The following SPOCK3 variants were observed in gnomAD, a reference collection of about 807,000 sequenced individuals.
SPOCK3 encodes the protein testican-3.
SPOCK3 carries 30 observed loss-of-function variants against 56.6 expected under a neutral mutation model. The observed-to-expected ratio is 0.53, with a 90% CI of 0.40 to 0.72. The LOEUF (loss-of-function observed/expected upper bound fraction) is 0.72. SPOCK3 is among the 30% of genes least tolerant of loss of function. The pLI, the probability that SPOCK3 is intolerant of heterozygous loss-of-function variation, is 0.00. For synonymous variants in SPOCK3, 196 were observed against 183.3 expected, an observed-to-expected ratio of 1.07 and a Z score of -0.56; for missense variants, 527 against 530.0, an observed-to-expected ratio of 0.99 and a Z score of 0.06.
intron 3 of SPOCK3, among the ~76,000 whole-genome samples, chr4:167,011,838 G>T (rs1561118256): frequency 6.6e-6 from 1 of 152,018 alleles, no homozygotes; most frequent in Non-Finnish European, 1.5e-5. Flanking sequence ...CCATCAAGAA[G>T]TTCAGAACCA....
At chr4:166,969,276 T>C (rs1319643460) in intron 4 of SPOCK3, among the ~76,000 whole-genome samples, 3 of 152,186 alleles carry the variant, frequency 2.0e-5, no homozygotes, top group Non-Finnish European at 4.4e-5. Context: ...TAGGAAGGCA[T>C]GCTTGTGCTT....
Position 166,734,703 on chromosome 4 carries a change from G to C in SPOCK3, c.*218C>G. On this transcript the variant is annotated 3_prime_UTR_variant, in exon 11 of 11. Transcript: ENST00000357545. ...TATTTTGTCTGACTAGACTGCATAT[G>C]TATTTTCTTTTTGTGTAAGGAATAT... The C allele has an allele frequency of 2.3e-6, 1 of 440,070 alleles. No individual in the cohort carries two copies. Among genetic ancestry groups the C allele is most frequent in the Non-Finnish European group, 4.0e-6 (1 of 251,850 alleles). The allele number at this position is 440,070 out of a possible 1,614,324, so 27.3% of individuals were successfully genotyped here. A position where few individuals can be genotyped will look rare whatever the true frequency, so the allele number is the denominator to read the frequency against.
intron 2 of SPOCK3, among the ~76,000 whole-genome samples, chr4:167,149,479 A>C (rs1764228475): frequency 6.6e-6 from 1 of 152,082 alleles, no homozygotes; most frequent in African/African-American, 2.4e-5. Flanking sequence ...GGATACTATA[A>C]ACTGATATAC....
intron 4 of SPOCK3, among the ~76,000 whole-genome samples, chr4:166,971,467 A>G (rs1396573995): frequency 6.6e-6 from 1 of 150,996 alleles, no homozygotes; most frequent in African/African-American, 2.4e-5. Flanking sequence ...TAACATGTCT[A>G]TTTCTCCCAA....
At position 166,880,855 on chromosome 4, in the gene SPOCK3, T is replaced by C. The variant is rs76758424; in HGVS notation, c.589+8275A>G. Among the ~76,000 whole-genome samples, 295 of 152,290 alleles carry C rather than the reference T, an allele frequency of 1.9e-3. 14 individuals carry two copies. In the East Asian group the frequency reaches 0.052, roughly 27 times the overall value. ...CTCATGCTCCTCCATTCTTGAACCA[T>C]CCGGTTTAACCTTTATATATCCCTC... On this transcript the variant is annotated intron_variant, in intron 6 of 10. Transcript: ENST00000357545.
At chr4:166,969,345 G>A (rs921700535) in intron 4 of SPOCK3, among the ~76,000 whole-genome samples, 1 of 152,072 alleles carries the variant, frequency 6.6e-6, no homozygotes, top group African/African-American at 2.4e-5. Context: ...ATACACTTTG[G>A]CTCTGTGCCC....
intron 7 of SPOCK3, among the ~76,000 whole-genome samples, chr4:166,763,273 T>C (rs1007016191): frequency 5.9e-5 from 9 of 151,948 alleles, no homozygotes; most frequent in African/African-American, 2.2e-4. Context: ...TCTAAAGTAC[T>C]CAAACAAAGA....
chr4:167,059,151 G>A (rs1208364042), intron 3 of SPOCK3, among the ~76,000 whole-genome samples: 1 of 152,034 alleles, frequency 6.6e-6, no homozygotes, highest in African/African-American at 2.4e-5. Flanking sequence ...ATTGACAAAT[G>A]GGATCTAATT....
chr4:166,920,439 T>G (rs938248187), intron 4 of SPOCK3, among the ~76,000 whole-genome samples: 13 of 152,202 alleles, frequency 8.5e-5, no homozygotes, highest in African/African-American at 2.9e-4. Flanking sequence ...TGGTTCTATT[T>G]AATTTGTATT....
At chr4:166,767,542 T>C (rs1019099841) in intron 7 of SPOCK3, among the ~76,000 whole-genome samples, 4 of 152,232 alleles carry the variant, frequency 2.6e-5, no homozygotes, top group Admixed American at 6.5e-5. Context: ...GATTGCACTG[T>C]GGTCTGAGAG....
intron 2 of SPOCK3, among the ~76,000 whole-genome samples, chr4:167,208,842 G>C (rs1383079485): frequency 6.6e-6 from 1 of 151,980 alleles, no homozygotes. Context: ...CAACTAATGA[G>C]AATCTTAAAA....
intron 3 of SPOCK3, among the ~76,000 whole-genome samples, chr4:167,005,653 GAA>G (rs1317470095): frequency 6.6e-6 from 1 of 151,624 alleles, no homozygotes; most frequent in Non-Finnish European, 1.5e-5. Context: ...CTCTGGATGA[GAA>G]ATGATTGGAA....
intron 6 of SPOCK3, among the ~76,000 whole-genome samples, chr4:166,877,863 A>G (rs1733257246): frequency 6.6e-6 from 1 of 152,226 alleles, no homozygotes; most frequent in South Asian, 2.1e-4. Flanking sequence ...TGGTATAAAT[A>G]TACTTTACAA....
At chr4:167,117,069 G>A (rs1761490123) in intron 2 of SPOCK3, among the ~76,000 whole-genome samples, 1 of 151,194 alleles carries the variant, frequency 6.6e-6, no homozygotes, top group Admixed American at 6.6e-5. Flanking sequence ...GTAAATGCAA[G>A]AGAAAAACTG....
intron 2 of SPOCK3, among the ~76,000 whole-genome samples, chr4:167,115,144 C>A (rs1761227699): frequency 6.6e-6 from 1 of 151,934 alleles, no homozygotes; most frequent in East Asian, 1.9e-4. Context: ...AGTTTATGAG[C>A]CAAATCTGGC....
chr4:166,919,950 T>C lies in SPOCK3; in HGVS notation c.351-7207A>G, dbSNP rs141118285. On this transcript the variant is annotated intron_variant, in intron 4 of 10. Coordinates refer to ENST00000357545, the MANE Select transcript of SPOCK3 (RefSeq NM_001040159.2). ...AAATAAATCTAAGGTTAGATTTACA[T>C]GTATGCTGATAGCCTTATGTGACAG... Among the ~76,000 whole-genome samples, 10 of 152,338 alleles carry C rather than the reference T, an allele frequency of 6.6e-5. No homozygotes were observed. In the East Asian group the frequency reaches 1.5e-3, roughly 23 times the overall value.
chr4:166,877,439 A>G (rs1490489621), intron 6 of SPOCK3, among the ~76,000 whole-genome samples: 2 of 152,198 alleles, frequency 1.3e-5, no homozygotes, highest in Non-Finnish European at 2.9e-5. Context: ...AAATAAAAGC[A>G]ATTAGAGCTC....
chr4:166,824,529 T>A (rs1194944826), intron 6 of SPOCK3, among the ~76,000 whole-genome samples: 2 of 152,084 alleles, frequency 1.3e-5, no homozygotes, highest in African/African-American at 4.8e-5. Flanking sequence ...CGCAGAACAC[T>A]AAGTCTGCTG....
intron 3 of SPOCK3, among the ~76,000 whole-genome samples, chr4:167,045,475 T>TC (rs749434610): frequency 6.6e-5 from 10 of 152,084 alleles, no homozygotes; most frequent in Non-Finnish European, 1.5e-4. Flanking sequence ...CTATTTTCTT[T>TC]CATTTTTTGC....
Sources: allele counts gnomAD v4.1 joint callset (sites outside exome capture counted in the v4.1 genomes callset), GRCh38; gene constraint gnomAD v4.1.1; transcripts MANE v1.5; gene names NCBI Gene and HGNC (gene_info 2026-07-23, HGNC 2026-07-21).